The following XRN2 variants were observed in gnomAD, a reference collection of about 807,000 sequenced individuals.
XRN2 encodes DHM1-like protein.
A neutral mutation model predicts 138.5 loss-of-function variants in XRN2; 44 were observed. The observed-to-expected ratio is 0.32, with a 90% confidence interval of 0.25 to 0.41. The LOEUF (loss-of-function observed/expected upper bound fraction) is 0.41, where lower values mean the gene tolerates loss of function less well. Among genes scored for constraint, XRN2 ranks in the 10% least tolerant of loss-of-function variants. The probability of loss-of-function intolerance (pLI) is 1.00; values close to 1 mark genes in which losing one functional copy is unlikely to be tolerated. For missense variants in XRN2, 937 were observed against 1,169.3 expected (o/e 0.80, Z 2.90); for synonymous variants, 354 against 369.4 (o/e 0.96, Z 0.48).
At chr20:21,337,649 A>G (rs1237265063) in intron 13 of XRN2, among the ~76,000 whole-genome samples, 1 of 152,216 alleles carries the variant, frequency 6.6e-6, no homozygotes, top group African/African-American at 2.4e-5. Flanking sequence ...ATTTCTGCCC[A>G]GTGTTCCATT....
chr20:21,369,855 C>T (rs569077422), intron 27 of XRN2, among the ~76,000 whole-genome samples: 105 of 152,202 alleles, frequency 6.9e-4, no homozygotes, highest in African/African-American at 2.5e-3. Context: ...CTTTGCTGTG[C>T]AGAAGCTTTT....
chr20:21,357,191 T>C (rs1233590353), intron 23 of XRN2, among the ~76,000 whole-genome samples: 2 of 152,216 alleles, frequency 1.3e-5, no homozygotes, highest in Non-Finnish European at 2.9e-5. Context: ...TGGGTAAATG[T>C]TCATAAATAT....
In XRN2 at chr20:21,339,763, A is replaced by G. The variant is rs1045063247; in HGVS notation, c.1278+675A>G. 2.4e-4 allele frequency among the ~76,000 whole-genome samples: 37 copies of G among 152,092 alleles called. 4 individuals are homozygous for G. The highest frequency in any genetic ancestry group is 2.3e-3 in the Admixed American group (35 of 15,276). On this transcript the variant is annotated intron_variant, in intron 14 of 29. Transcript: ENST00000377191. ...CTTTCTTTTAACTCTGGTGCTTCCT[A>G]TGTCTGATACATGTTTTCTTACTTA...
At position 21,345,953 on chromosome 20, in the gene XRN2, T is replaced by TA. The variant is rs2038430534; in HGVS notation, c.1530-456dup. 2.0e-5 allele frequency among the ~76,000 whole-genome samples: 3 copies of TA among 152,288 alleles called. No individual in the cohort carries two copies. The South Asian group carries it at 6.2e-4, about 32-fold the overall frequency. On this transcript the variant is annotated intron_variant, in intron 16 of 29. Coordinates refer to ENST00000377191, the MANE Select transcript of XRN2 (RefSeq NM_012255.5). The stretch of plus-strand genomic sequence containing the variant: ...CTTTTATAAACTATTTTTTTACATT[T>TA]AAAAAAGTTACCTGTGTGCGTCTTA...
chr20:21,331,859 C>T (rs374308265), intron 8 of XRN2, 41 bp downstream of exon 8: 3 of 1,600,824 alleles, frequency 1.9e-6, no homozygotes, highest in African/African-American at 2.7e-5. Context: ...TGGATTAAAC[C>T]ATAGCAAGTT....
chr20:21,356,247 A>C, intron 22 of XRN2, 70 bp downstream of exon 22: 1 of 1,197,622 alleles, frequency 8.3e-7, no homozygotes, highest in Non-Finnish European at 1.2e-6. Context: ...ATAACATAAA[A>C]TTTACCATTA....
rs974366765 is a variant in XRN2, at chr20:21,333,850, G to A, written c.1067+13G>A. On this transcript the variant is annotated intron_variant, in intron 11 of 29. Coordinates refer to ENST00000377191, the MANE Select transcript of XRN2 (RefSeq NM_012255.5). ...CGTTAGAGATTAGGTATGTGCATTT[G>A]TGTAGCTTTTCAAACGACTGTTTTA... The A allele has an allele frequency of 1.9e-6, 3 of 1,613,988 alleles. No homozygotes were observed. Among genetic ancestry groups the A allele is most frequent in the African/African-American group, 2.7e-5 (2 of 74,926 alleles).
chr20:21,322,791 C>T (rs2038064388), intron 1 of XRN2, among the ~76,000 whole-genome samples: 1 of 152,138 alleles, frequency 6.6e-6, no homozygotes, highest in Non-Finnish European at 1.5e-5. Context: ...ATAATGATAT[C>T]CCAACTGCCT....
chr20:21,369,807 C>G (rs1445606206), intron 27 of XRN2, among the ~76,000 whole-genome samples: 1 of 152,124 alleles, frequency 6.6e-6, no homozygotes, highest in Non-Finnish European at 1.5e-5. Context: ...TATTTTCTCT[C>G]ATTCCATGGG....
rs775547579 is a variant in XRN2, at chr20:21,365,491, TAAC to T, written c.2324+7_2324+9del. The T allele has an allele frequency of 6.2e-6, 10 of 1,613,842 alleles. No homozygotes were observed. The highest frequency in any genetic ancestry group is 3.3e-5 in the Admixed American group (2 of 59,932). ...AGCTGTAATGCTTCCAGGAGCAAGG[TAAC>T]AACAGTAAATTACCTAGATTTATTT... On this transcript the variant is annotated splice_donor_5th_base_variant and intron_variant, in intron 25 of 29. Coordinates refer to ENST00000377191, the MANE Select transcript of XRN2 (RefSeq NM_012255.5).
chr20:21,330,793 C>T lies in XRN2; in HGVS notation c.576+88C>T, dbSNP rs1014459952. On this transcript the variant is annotated intron_variant, in intron 6 of 29. Coordinates refer to ENST00000377191, the MANE Select transcript of XRN2 (RefSeq NM_012255.5). ...ATGACTGACATTATTTATCCTTCTG[C>T]CCTGCCCCATAAAATGCTAGTTGAC... is the stretch of plus-strand genomic sequence containing the variant. 57 of 1,243,282 alleles carry T rather than the reference C, an allele frequency of 4.6e-5. No individual in the cohort carries two copies. The African/African-American group carries it at 8.2e-4, about 18-fold the overall frequency. 77.0% of individuals were successfully genotyped at this position (1,243,282 alleles called of 1,614,324 possible).
intron 28 of XRN2, among the ~76,000 whole-genome samples, chr20:21,385,014 A>C (rs545298211): frequency 2.5e-4 from 38 of 152,296 alleles, no homozygotes; most frequent in African/African-American, 9.1e-4. Flanking sequence ...TTTAATTTTA[A>C]TTATTGATGA....
intron 29 of XRN2, 104 bp downstream of exon 29, chr20:21,387,110 G>C: frequency 7.1e-7 from 1 of 1,406,808 alleles, no homozygotes; most frequent in Non-Finnish European, 9.5e-7. Flanking sequence ...GACACTGATA[G>C]AGTAGCTTAG....
intron 3 of XRN2, 109 bp from the exon 4 acceptor site, chr20:21,328,441 ACTTACCTTT>A: frequency 1.0e-6 from 1 of 976,568 alleles, no homozygotes. Context: ...TAGACACATT[ACTTACCTTT>A]CTTCCATTTT....
At chr20:21,319,813 C>G (rs2038012651) in intron 1 of XRN2, among the ~76,000 whole-genome samples, 1 of 152,030 alleles carries the variant, frequency 6.6e-6, no homozygotes, top group Non-Finnish European at 1.5e-5. Context: ...TTTCCTTAGC[C>G]CACTGCAACT....
At chr20:21,348,288 G>T in intron 18 of XRN2, 35 bp downstream of exon 18, 3 of 1,611,930 alleles carry the variant, frequency 1.9e-6, no homozygotes, top group East Asian at 2.2e-5. Flanking sequence ...AAAGTTTATA[G>T]AATTCTGGAT....
intron 3 of XRN2, among the ~76,000 whole-genome samples, chr20:21,326,802 T>C (rs2122201921): frequency 6.6e-6 from 1 of 152,330 alleles, no homozygotes; most frequent in South Asian, 2.1e-4. Flanking sequence ...TGTGAAATAC[T>C]GGGGATGTTG....
chr20:21,354,191 A>G (rs1600703057), intron 20 of XRN2, among the ~76,000 whole-genome samples: 1 of 152,222 alleles, frequency 6.6e-6, no homozygotes, highest in East Asian at 1.9e-4. Flanking sequence ...TCTCAAATGA[A>G]TAGCCTCTGT....
At chr20:21,339,662 T>C (rs574928422) in intron 14 of XRN2, among the ~76,000 whole-genome samples, 1 of 152,336 alleles carries the variant, frequency 6.6e-6, no homozygotes, top group East Asian at 1.9e-4. Context: ...ATTTTTGACT[T>C]TGCAGCTCAC....
Sources: allele counts gnomAD v4.1 joint callset (sites outside exome capture counted in the v4.1 genomes callset), GRCh38; gene constraint gnomAD v4.1.1; transcripts MANE v1.5; gene names NCBI Gene and HGNC (gene_info 2026-07-23, HGNC 2026-07-21).